Variants in CDK6 observed in about 807,000 individuals in gnomAD.
CDK6 encodes cyclin-dependent kinase 6.
In CDK6, 6 loss-of-function variants were observed where a neutral mutation model predicts 37.1. The ratio of observed to expected loss-of-function variants is 0.16; its 90% CI spans 0.09 to 0.32. The LOEUF is 0.32. CDK6 is among the 10% of genes least tolerant of loss of function. CDK6 has a pLI of 1.00. For missense variants in CDK6, 224 were observed against 418.9 expected, an observed-to-expected ratio of 0.53 and a Z score of 4.06; for synonymous variants, 160 against 161.3, an observed-to-expected ratio of 0.99 and a Z score of 0.06.
chr7:92,677,764 CCA>C (rs1269699737), intron 4 of CDK6, among the ~76,000 whole-genome samples: 2 of 152,176 alleles, frequency 1.3e-5, no homozygotes, highest in African/African-American at 4.8e-5. Flanking sequence ...AATTTCTGAA[CCA>C]CAGTCTTTCA....
chr7:92,691,116 A>C (rs1797591928), intron 4 of CDK6, among the ~76,000 whole-genome samples: 1 of 152,254 alleles, frequency 6.6e-6, no homozygotes, highest in Non-Finnish European at 1.5e-5. Flanking sequence ...ATGAGAAGAC[A>C]TTTATTGTAG....
intron 5 of CDK6, among the ~76,000 whole-genome samples, chr7:92,628,125 G>A (rs1795970806): frequency 6.6e-6 from 1 of 151,976 alleles, no homozygotes; most frequent in Admixed American, 6.6e-5. Context: ...TCAGATTAGG[G>A]TTAAATAATA....
chr7:92,798,456 C>A (rs1800475399), intron 2 of CDK6, among the ~76,000 whole-genome samples: 1 of 152,188 alleles, frequency 6.6e-6, no homozygotes, highest in African/African-American at 2.4e-5. Flanking sequence ...AGGAATTCAA[C>A]AAATATTAAC....
At chr7:92,772,263 A>G (rs2115772298) in intron 3 of CDK6, among the ~76,000 whole-genome samples, 1 of 152,314 alleles carries the variant, frequency 6.6e-6, no homozygotes, top group Middle Eastern at 3.4e-3. Context: ...TAAGTTAGCA[A>G]AAAATGTTTG....
At chr7:92,734,353 C>A (rs1798731900) in intron 3 of CDK6, among the ~76,000 whole-genome samples, 1 of 152,156 alleles carries the variant, frequency 6.6e-6, no homozygotes, top group Admixed American at 6.5e-5. Flanking sequence ...CTAGACTGAA[C>A]CCTTAAAAGT....
Position 92,678,922 on chromosome 7 carries a change from TG to T in CDK6, c.538-7388del, listed in dbSNP as rs1797270176. Among the ~76,000 whole-genome samples the T allele has an allele frequency of 1.3e-5, 2 of 152,248 alleles. 1 individual carries two copies. Among genetic ancestry groups the T allele is most frequent in the South Asian group, 4.1e-4 (2 of 4,832 alleles). ...CAAAGCTGTCTAGAACTGACTGTGT[TG>T]CCACCACAAAGTCAATGTCCATCTC... On this transcript the variant is annotated intron_variant, in intron 4 of 7. Transcript: ENST00000424848.
intron 2 of CDK6, among the ~76,000 whole-genome samples, chr7:92,801,708 A>G (rs998318497): frequency 2.0e-5 from 3 of 148,798 alleles, no homozygotes; most frequent in Admixed American, 6.7e-5. Flanking sequence ...TGTCACCCCC[A>G]CCTCCCAGGC....
intron 2 of CDK6, among the ~76,000 whole-genome samples, chr7:92,820,983 G>T (rs1278668122): frequency 6.6e-6 from 1 of 151,898 alleles, no homozygotes; most frequent in Non-Finnish European, 1.5e-5. Context: ...CTGGGGGTGG[G>T]GGGGTGGAAA....
At chr7:92,793,288 G>A (rs1800326694) in intron 2 of CDK6, among the ~76,000 whole-genome samples, 1 of 151,954 alleles carries the variant, frequency 6.6e-6, no homozygotes, top group Non-Finnish European at 1.5e-5. Context: ...ACCCAGAATA[G>A]CAAAAAACAA....
chr7:92,671,735 T>C (rs1482130891), intron 4 of CDK6, among the ~76,000 whole-genome samples, 200 bp from the exon 5 acceptor site: 2 of 152,118 alleles, frequency 1.3e-5, no homozygotes, highest in African/African-American at 4.8e-5. Flanking sequence ...ACAAACTGGG[T>C]TCCCACCTCC....
chr7:92,718,460 C>T (rs1004121309), intron 4 of CDK6, among the ~76,000 whole-genome samples: 4 of 152,282 alleles, frequency 2.6e-5, no homozygotes, highest in Non-Finnish European at 1.5e-5. Context: ...AAATACAACA[C>T]GCACGAAGAG....
intron 3 of CDK6, among the ~76,000 whole-genome samples, chr7:92,747,088 G>A (rs1799078704): frequency 6.6e-6 from 1 of 152,130 alleles, no homozygotes; most frequent in African/African-American, 2.4e-5. Context: ...AGTGCCCTGA[G>A]ATATACCTTC....
At chr7:92,679,805 C>T (rs957404416) in intron 4 of CDK6, among the ~76,000 whole-genome samples, 46 of 151,890 alleles carry the variant, frequency 3.0e-4, no homozygotes, top group East Asian at 7.8e-4. Context: ...ACTGCAACCT[C>T]GGTCTCCCGG....
intron 3 of CDK6, among the ~76,000 whole-genome samples, chr7:92,727,471 T>C (rs1798540281): frequency 6.6e-6 from 1 of 152,202 alleles, no homozygotes. Flanking sequence ...TTTCCTACTA[T>C]TAAGGGGGCT....
intron 5 of CDK6, among the ~76,000 whole-genome samples, chr7:92,629,470 A>G (rs974697887): frequency 2.0e-5 from 3 of 152,116 alleles, no homozygotes; most frequent in Non-Finnish European, 4.4e-5. Context: ...CTCAAAATTG[A>G]GGATTAAAAT....
chr7:92,632,044 T>G (rs919036547), intron 5 of CDK6, among the ~76,000 whole-genome samples: 7 of 152,210 alleles, frequency 4.6e-5, no homozygotes, highest in African/African-American at 1.7e-4. Flanking sequence ...ACTTTTAACC[T>G]CTGAATCCAC....
rs1795490210 is a variant in CDK6, at chr7:92,608,759, G to C, written c.*6381C>G. 4.3e-6 allele frequency: 1 copy of C among 231,408 alleles called. No homozygotes were observed. The highest frequency in any genetic ancestry group is 1.8e-4 in the South Asian group (1 of 5,522). 14.3% of individuals were successfully genotyped at this position (231,408 alleles called of 1,614,324 possible). On this transcript the variant is annotated 3_prime_UTR_variant, in exon 8 of 8. Transcript: ENST00000424848. ...ACAGATGCCTCTGAGACAGCAGCAG[G>C]GCACTCTGACCTCGGAAAGCAGCCC...
rs1367666690 is a variant in CDK6, at chr7:92,794,102, T to C, written c.234-19271A>G. On this transcript the variant is annotated intron_variant, in intron 2 of 7. Transcript: ENST00000424848. ...AGAAAGAAGTGGTCAATGGTGTATA[T>C]AAGATAAAGAAGTGTGTTCTGCTCT... Among the ~76,000 whole-genome samples the C allele has an allele frequency of 2.6e-5, 4 of 152,148 alleles. No individual in the cohort carries two copies. The East Asian group carries it at 7.7e-4, about 29-fold the overall frequency.
At chr7:92,791,185 G>A (rs1800274155) in intron 2 of CDK6, among the ~76,000 whole-genome samples, 1 of 152,170 alleles carries the variant, frequency 6.6e-6, no homozygotes, top group East Asian at 1.9e-4. Flanking sequence ...CGGGGGTGGA[G>A]GGATGGGGAA....
Sources: gnomAD v4.1 joint callset for allele counts (sites outside exome capture counted in the v4.1 genomes callset) on GRCh38, gnomAD v4.1.1 for gene constraint, MANE v1.5 for transcripts, NCBI Gene and HGNC (gene_info 2026-07-23, HGNC 2026-07-21) for gene names.